Variants in TOP1 observed in about 807,000 individuals in gnomAD.
TOP1 encodes the protein DNA topoisomerase I.
TOP1 carries 10 observed loss-of-function variants against 111.1 expected under a neutral mutation model. The ratio of observed to expected loss-of-function variants is 0.09; its 90% CI spans 0.06 to 0.15. The LOEUF is 0.15. Among genes scored for constraint, TOP1 ranks in the 10% least tolerant of loss-of-function variants. TOP1 has a pLI of 1.00. For synonymous variants in TOP1, 271 were observed against 302.9 expected, an observed-to-expected ratio of 0.89 and a Z score of 1.10; for missense variants, 474 against 926.7, an observed-to-expected ratio of 0.51 and a Z score of 6.34.
rs2034303748 is a variant in TOP1 at position 41,114,873 on chromosome 20, C to A, written c.1639-498C>A. 6.6e-6 allele frequency among the ~76,000 whole-genome samples: 1 copy of A among 152,190 alleles called. No homozygotes were observed. Among genetic ancestry groups the A allele is most frequent in the South Asian group, 2.1e-4 (1 of 4,830 alleles). On this transcript the variant is annotated intron_variant, in intron 15 of 20. Transcript: ENST00000361337. The surrounding 1 kb of genome is among the most constrained non-coding windows in gnomAD (Gnocchi z 4.5). The stretch of plus-strand genomic sequence containing the variant: ...TCCTCTTCTTATAAAGACACCTCTT[C>A]TCATAAGGACACCATAATCAGTAAT...
At chr20:41,111,045 A>G (rs1568703478) in intron 13 of TOP1, among the ~76,000 whole-genome samples, 1 of 152,158 alleles carries the variant, frequency 6.6e-6, no homozygotes. Context: ...GGGTTTTTCT[A>G]AATCTCGTTT....
In TOP1 at chr20:41,092,908, GAGTTATT is replaced by G. The variant is rs141600742; in HGVS notation, c.730+324_730+330del. On this transcript the variant is annotated intron_variant, in intron 9 of 20. Transcript: ENST00000361337. This position sits in a 1 kb window ranked among gnomAD's most constrained non-coding sequence, Gnocchi z 4.3. ...ATTTCTAGGGAGCAACTCTTCGCAA[GAGTTATT>G]AGAAAAGCCTCACTTGAATGGTAGT... is the stretch of plus-strand genomic sequence containing the variant. Among the ~76,000 whole-genome samples the G allele has an allele frequency of 1.3e-3, 200 of 152,306 alleles. No homozygotes were observed. Among genetic ancestry groups the G allele is most frequent in the African/African-American group, 4.5e-3 (189 of 41,576 alleles).
chr20:41,113,629 G>A (rs1051815108), intron 14 of TOP1, among the ~76,000 whole-genome samples: 1 of 150,944 alleles, frequency 6.6e-6, no homozygotes, highest in Non-Finnish European at 1.5e-5. Context: ...TGTAATCCCA[G>A]CACTTTGGGA....
rs1014518123 is a variant in TOP1 at position 41,061,286 on chromosome 20, C to T, written c.59-108C>T. The T allele has an allele frequency of 9.5e-6, 10 of 1,051,714 alleles. No individual in the cohort carries two copies. In the African/African-American group the frequency reaches 1.6e-4, roughly 17 times the overall value. The allele number at this position is 1,051,714 out of a possible 1,614,324, so 65.1% of individuals were successfully genotyped here. A position where few individuals can be genotyped will look rare whatever the true frequency, so the allele number is the denominator to read the frequency against. ...TCAGTGGCATGTGCTATTATGCCTA[C>T]CATGCCATTTGAATCCTGTCATTGT... On this transcript the variant is annotated intron_variant, in intron 2 of 20. Transcript: ENST00000361337. The surrounding 1 kb of genome is among the most constrained non-coding windows in gnomAD (Gnocchi z 4.6).
In TOP1 at chr20:41,112,678, C is replaced by G. The variant is rs934902645; in HGVS notation, c.1309-104C>G. The G allele has an allele frequency of 1.6e-6, 2 of 1,287,012 alleles. No individual in the cohort carries two copies. Among genetic ancestry groups the G allele is most frequent in the African/African-American group, 2.9e-5 (2 of 67,968 alleles). The allele number at this position is 1,287,012 out of a possible 1,614,324, so 79.7% of individuals were successfully genotyped here. ...TCTTGTGTCTTAGCCTCCCTATTAG[C>G]TAGCTGGGATTATAGGCTTGCGCCA... On this transcript the variant is annotated intron_variant, in intron 13 of 20. Transcript: ENST00000361337. The surrounding 1 kb of genome is among the most constrained non-coding windows in gnomAD (Gnocchi z 5.8).
At chr20:41,054,563 G>A (rs1340624306) in intron 2 of TOP1, among the ~76,000 whole-genome samples, 1 of 152,224 alleles carries the variant, frequency 6.6e-6, no homozygotes, top group East Asian at 1.9e-4. Flanking sequence ...TATCGTAAGA[G>A]TGGTAAGAAA....
Position 41,113,965 on chromosome 20 carries a change from G to A in TOP1, c.1453-5G>A. The A allele has an allele frequency of 1.2e-6, 2 of 1,611,466 alleles. No homozygotes were observed. The highest frequency in any genetic ancestry group is 1.7e-4 in the Middle Eastern group (1 of 6,052). On this transcript the variant is annotated splice_polypyrimidine_tract_variant and splice_region_variant and intron_variant, in intron 14 of 20. Coordinates refer to ENST00000361337, the MANE Select transcript of TOP1 (RefSeq NM_003286.4). Reference sequence around the variant, plus strand: ...ATGCTCATCTTTTCTTTCTTTCCTGGGCAGCTTGCTCTGAGAGCAGGCAAT... The same window carrying A: ...ATGCTCATCTTTTCTTTCTTTCCTGAGCAGCTTGCTCTGAGAGCAGGCAAT...
At chr20:41,103,220 A>C (rs2034092493) in intron 13 of TOP1, among the ~76,000 whole-genome samples, 1 of 152,250 alleles carries the variant, frequency 6.6e-6, no homozygotes, top group South Asian at 2.1e-4. Flanking sequence ...TCTTCTAAGC[A>C]TACCGCACAT....
intron 2 of TOP1, among the ~76,000 whole-genome samples, chr20:41,053,890 G>C (rs2033436391): frequency 6.6e-6 from 1 of 152,008 alleles, no homozygotes; most frequent in African/African-American, 2.4e-5. Flanking sequence ...TGAATTGTTA[G>C]GCATGGGATT....
rs1197941573 is a variant in TOP1 at position 41,102,952 on chromosome 20, T to TA, written c.1308+1603dup. Reference sequence around the variant, plus strand: ...AGAAAAGTAGGTTATGGTTGGGTCTTAAAAGTAGTATTTCAAACAAGAGAG... The same window carrying TA: ...AGAAAAGTAGGTTATGGTTGGGTCTTAAAAAGTAGTATTTCAAACAAGAGAG... On this transcript the variant is annotated intron_variant, in intron 13 of 20. Transcript: ENST00000361337. This position sits in a 1 kb window ranked among gnomAD's most constrained non-coding sequence, Gnocchi z 4.0. Among the ~76,000 whole-genome samples, 7 of 152,090 alleles carry TA rather than the reference T, an allele frequency of 4.6e-5. No homozygotes were observed. Among genetic ancestry groups the TA allele is most frequent in the African/African-American group, 1.7e-4 (7 of 41,408 alleles).
chr20:41,104,976 GATA>G (rs1414632440), intron 13 of TOP1, among the ~76,000 whole-genome samples: 2 of 152,194 alleles, frequency 1.3e-5, no homozygotes, highest in Non-Finnish European at 2.9e-5. Context: ...TACAGGAATA[GATA>G]ATTATGTAAT....
At position 41,034,211 on chromosome 20, in the gene TOP1, G is replaced by A. The variant is rs1053718862; in HGVS notation, c.58+4756G>A. Reference sequence around the variant, plus strand: ...AAACTAGTCCTTAAGAGGCGAATGGGTATTGTGTTTAAAGGAAGCTTTCAG... The same window carrying A: ...AAACTAGTCCTTAAGAGGCGAATGGATATTGTGTTTAAAGGAAGCTTTCAG... On this transcript the variant is annotated intron_variant, in intron 2 of 20. Transcript: ENST00000361337. The surrounding 1 kb of genome is among the most constrained non-coding windows in gnomAD (Gnocchi z 4.0). Among the ~76,000 whole-genome samples the A allele has an allele frequency of 2.0e-5, 3 of 152,204 alleles. No homozygotes were observed. The highest frequency in any genetic ancestry group is 7.2e-5 in the African/African-American group (3 of 41,446).
intron 3 of TOP1, among the ~76,000 whole-genome samples, chr20:41,062,471 A>C (rs1396292040): frequency 6.6e-6 from 1 of 152,096 alleles, no homozygotes; most frequent in African/African-American, 2.4e-5. Context: ...CCTATCCCTC[A>C]CTTATCTCTT....
intron 2 of TOP1, among the ~76,000 whole-genome samples, chr20:41,053,819 C>T (rs914024970): frequency 6.6e-6 from 1 of 152,032 alleles, no homozygotes; most frequent in African/African-American, 2.4e-5. Flanking sequence ...AAAATACTGC[C>T]TCTTAACTTT....
chr20:41,078,229 C>G lies in TOP1; in HGVS notation c.335+592C>G, dbSNP rs1263353976. On this transcript the variant is annotated intron_variant, in intron 5 of 20. Transcript: ENST00000361337. The surrounding 1 kb of genome is among the most constrained non-coding windows in gnomAD (Gnocchi z 5.3). ...AATGCGCAAAATCTAGAGGTTACTT[C>G]CTATACTGTTTTTACCTTTATAATT... is the stretch of plus-strand genomic sequence containing the variant. Among the ~76,000 whole-genome samples, 1 of 152,046 alleles carries G rather than the reference C, an allele frequency of 6.6e-6. No individual in the cohort carries two copies. The highest frequency in any genetic ancestry group is 1.5e-5 in the Non-Finnish European group (1 of 68,010).
chr20:41,090,779 T>C (rs979434738), intron 8 of TOP1, among the ~76,000 whole-genome samples: 7 of 152,232 alleles, frequency 4.6e-5, no homozygotes, highest in African/African-American at 1.4e-4. Flanking sequence ...GTGCGGAGAT[T>C]ACAGGTGTGA....
intron 2 of TOP1, among the ~76,000 whole-genome samples, chr20:41,053,757 C>T (rs1362951958): frequency 2.6e-5 from 4 of 152,096 alleles, no homozygotes; most frequent in African/African-American, 9.7e-5. Flanking sequence ...TTTGCTATTC[C>T]ATTGATCTGC....
Position 41,102,824 on chromosome 20 carries a change from C to A in TOP1, c.1308+1471C>A, listed in dbSNP as rs1285088707. Among the ~76,000 whole-genome samples, 1 of 151,944 alleles carries A rather than the reference C, an allele frequency of 6.6e-6. No individual in the cohort carries two copies. Among genetic ancestry groups the A allele is most frequent in the African/African-American group, 2.4e-5 (1 of 41,358 alleles). The stretch of plus-strand genomic sequence containing the variant: ...GGAACTTATAGGCTGGTGGGCAAAT[C>A]AGGTAAGAATTCAGTTGTATTAGAA... On this transcript the variant is annotated intron_variant, in intron 13 of 20. Coordinates refer to ENST00000361337, the MANE Select transcript of TOP1 (RefSeq NM_003286.4). This position sits in a 1 kb window ranked among gnomAD's most constrained non-coding sequence, Gnocchi z 4.0.
Position 41,083,676 on chromosome 20 carries a change from A to C in TOP1, c.508-786A>C, listed in dbSNP as rs912184212. On this transcript the variant is annotated intron_variant, in intron 7 of 20. Transcript: ENST00000361337. The surrounding 1 kb of genome is among the most constrained non-coding windows in gnomAD (Gnocchi z 7.2). ...AAAACTTGTTGAATAAAGACTGAATAAGTAGTTAAATTATGTTGAATAGGC... is the reference window on the plus strand; with the variant it reads ...AAAACTTGTTGAATAAAGACTGAATCAGTAGTTAAATTATGTTGAATAGGC... Among the ~76,000 whole-genome samples, 3 of 152,220 alleles carry C rather than the reference A, an allele frequency of 2.0e-5. No homozygotes were observed. The highest frequency in any genetic ancestry group is 7.2e-5 in the African/African-American group (3 of 41,454).
Sources: gnomAD v4.1 joint callset for allele counts (sites outside exome capture counted in the v4.1 genomes callset) on GRCh38, gnomAD v4.1.1 for gene constraint, Gnocchi (gnomAD v3.1) non-coding constraint, MANE v1.5 for transcripts, NCBI Gene and HGNC (gene_info 2026-07-23, HGNC 2026-07-21) for gene names.